The following UHRF2 variants were observed in gnomAD, a reference collection of about 807,000 sequenced individuals.
UHRF2 encodes the protein ubiquitin like with PHD and ring finger domains 2, also known as E3 ubiquitin-protein ligase UHRF2.
UHRF2 carries 23 observed loss-of-function variants against 96.8 expected under a neutral mutation model. The observed-to-expected ratio is 0.24, with a 90% CI of 0.17 to 0.34. The LOEUF is 0.34. Ranked by LOEUF, UHRF2 falls within the 10% of genes least tolerant of loss-of-function variation. The pLI, the probability that UHRF2 is intolerant of heterozygous loss-of-function variation, is 1.00. For synonymous variants in UHRF2, 385 were observed against 332.6 expected, an observed-to-expected ratio of 1.16 and a Z score of -1.72; for missense variants, 685 against 981.5, an observed-to-expected ratio of 0.70 and a Z score of 4.04.
intron 3 of UHRF2, among the ~76,000 whole-genome samples, chr9:6,441,172 A>G (rs1234749701): frequency 1.3e-5 from 2 of 152,284 alleles, no homozygotes; most frequent in Non-Finnish European, 2.9e-5. Flanking sequence ...TGAGCCCAGG[A>G]GTTCGAGACC....
chr9:6,460,952 TAA>T (rs1462487867), intron 4 of UHRF2, among the ~76,000 whole-genome samples, 161 bp downstream of exon 4: 1 of 152,258 alleles, frequency 6.6e-6, no homozygotes, highest in Non-Finnish European at 1.5e-5. Context: ...TAAGAATTTT[TAA>T]AAGTTAAGAA....
At chr9:6,438,571 A>G (rs376320991) in intron 3 of UHRF2, among the ~76,000 whole-genome samples, 1 of 152,202 alleles carries the variant, frequency 6.6e-6, no homozygotes, top group Non-Finnish European at 1.5e-5. Flanking sequence ...TGTGTCTGCA[A>G]ACCTCTTGAG....
At chr9:6,415,781 C>A (rs1248803752) in intron 1 of UHRF2, among the ~76,000 whole-genome samples, 1 of 152,138 alleles carries the variant, frequency 6.6e-6, no homozygotes, top group Non-Finnish European at 1.5e-5. Context: ...TCAGCTCACC[C>A]CAGAACTGCA....
chr9:6,474,402 C>A (rs1316192464), intron 4 of UHRF2, among the ~76,000 whole-genome samples: 3 of 152,042 alleles, frequency 2.0e-5, no homozygotes, highest in Non-Finnish European at 4.4e-5. Flanking sequence ...AAGCAAAAGC[C>A]AACAGATTAA....
intron 15 of UHRF2, among the ~76,000 whole-genome samples, chr9:6,505,814 T>C (rs956865269): frequency 3.9e-5 from 6 of 152,180 alleles, no homozygotes; most frequent in Non-Finnish European, 7.3e-5. Flanking sequence ...ATGCACAAAT[T>C]ACATAAATAA....
At chr9:6,488,635 TC>T (rs1824464326) in intron 9 of UHRF2, among the ~76,000 whole-genome samples, 1 of 132,942 alleles carries the variant, frequency 7.5e-6, no homozygotes, top group Non-Finnish European at 1.5e-5. Flanking sequence ...GCAAGCAGCC[TC>T]CTGAATAGCT....
chr9:6,421,562 G>A (rs1177876341), intron 2 of UHRF2, among the ~76,000 whole-genome samples: 1 of 152,034 alleles, frequency 6.6e-6, no homozygotes, highest in African/African-American at 2.4e-5. Context: ...GATTACAGAC[G>A]TGCACCACCA....
At chr9:6,462,543 T>C (rs1372293961) in intron 4 of UHRF2, among the ~76,000 whole-genome samples, 1 of 152,114 alleles carries the variant, frequency 6.6e-6, no homozygotes, top group African/African-American at 2.4e-5. Flanking sequence ...TTTAACCTAC[T>C]TGAGTGTTGG....
intron 4 of UHRF2, among the ~76,000 whole-genome samples, chr9:6,463,729 C>T (rs1469403382): frequency 6.6e-6 from 1 of 151,924 alleles, no homozygotes; most frequent in Non-Finnish European, 1.5e-5. Flanking sequence ...CCTCAGTCTC[C>T]CAAAGTGGTA....
intron 9 of UHRF2, among the ~76,000 whole-genome samples, chr9:6,493,158 C>T (rs1279875629): frequency 5.3e-5 from 8 of 151,896 alleles, no homozygotes; most frequent in East Asian, 1.9e-4. Context: ...GCTAGACAGG[C>T]GTAGTGGCAC....
intron 15 of UHRF2, 131 bp from the exon 16 acceptor site, chr9:6,505,902 A>C: frequency 1.1e-6 from 1 of 923,966 alleles, no homozygotes; most frequent in Non-Finnish European, 1.6e-6. Context: ...TGCAGATTCA[A>C]GCCTTTATGT....
In UHRF2 at chr9:6,477,798, G is replaced by A. The variant is rs1823675628; in HGVS notation, c.1150G>A (p.Glu384Lys). ...LNPPLDKVPE[E>K]EYWYCPSCKT... ...TCCACCTTTGGATAAAGTCCCAGAAGAGGAATACTGGTATGATTATCAGGT... is the reference window on the plus strand; with the variant it reads ...TCCACCTTTGGATAAAGTCCCAGAAAAGGAATACTGGTATGATTATCAGGT... Residue 384 changes from glutamate to lysine, a missense_variant, in exon 6 of 16, where the codon GAG becomes AAG. Transcript: ENST00000276893. 6.2e-7 allele frequency: 1 copy of A among 1,602,178 alleles called. No individual in the cohort carries two copies. Among genetic ancestry groups the A allele is most frequent in the African/African-American group, 1.3e-5 (1 of 74,694 alleles).
At chr9:6,476,213 A>G (rs10975603) in intron 5 of UHRF2, among the ~76,000 whole-genome samples, 26,102 of 152,080 alleles carry the variant, frequency 0.17, 2,364 homozygotes, top group East Asian at 0.26. Context: ...AAAGGATTCT[A>G]TTATTTTTTA....
intron 3 of UHRF2, among the ~76,000 whole-genome samples, chr9:6,440,774 C>T (rs1157965989): frequency 6.6e-6 from 1 of 152,208 alleles, no homozygotes; most frequent in East Asian, 1.9e-4. Context: ...GTTACTTAGA[C>T]TAGTGTTCCT....
intron 3 of UHRF2, among the ~76,000 whole-genome samples, chr9:6,444,041 G>C (rs1452129870): frequency 2.6e-5 from 4 of 152,198 alleles, no homozygotes; most frequent in Non-Finnish European, 5.9e-5. Context: ...ATTTTCTTGA[G>C]TATATTGATG....
intron 4 of UHRF2, among the ~76,000 whole-genome samples, chr9:6,473,796 C>G (rs1055738117): frequency 3.3e-5 from 5 of 152,184 alleles, no homozygotes; most frequent in African/African-American, 1.2e-4. Context: ...TAACTAAGTT[C>G]TAATAAAACT....
chr9:6,492,321 T>C (rs916622711), intron 9 of UHRF2: 14 of 1,253,668 alleles, frequency 1.1e-5, no homozygotes, highest in Non-Finnish European at 1.3e-5. Flanking sequence ...GTTATGAATA[T>C]GAATATTGTG....
chr9:6,470,154 C>T (rs756952176), intron 4 of UHRF2, among the ~76,000 whole-genome samples: 1 of 152,156 alleles, frequency 6.6e-6, no homozygotes, highest in Non-Finnish European at 1.5e-5. Flanking sequence ...GGGCAGATCA[C>T]TTGAGGTCAG....
chr9:6,460,513 T>G, intron 3 of UHRF2, 60 bp from the exon 4 acceptor site: 9 of 1,423,676 alleles, frequency 6.3e-6, no homozygotes, highest in Non-Finnish European at 8.6e-6. Flanking sequence ...TTTCTGTACA[T>G]TGCATAAAAC....
Sources: allele counts gnomAD v4.1 joint callset (sites outside exome capture counted in the v4.1 genomes callset), GRCh38; gene constraint gnomAD v4.1.1; transcripts MANE v1.5; gene names NCBI Gene and HGNC (gene_info 2026-07-23, HGNC 2026-07-21).